Variants in NRXN3 observed in about 807,000 individuals in gnomAD.
The protein encoded by NRXN3 is neurexin 3, also known as neurexin III.
In NRXN3, 32 loss-of-function variants were observed where a neutral mutation model predicts 137.6. The observed-to-expected ratio is 0.23, with a 90% CI of 0.18 to 0.31. NRXN3 has a LOEUF of 0.31. NRXN3 is among the 10% of genes least tolerant of loss of function. The probability of loss-of-function intolerance (pLI) is 1.00; values close to 1 mark genes in which losing one functional copy is unlikely to be tolerated. For synonymous variants in NRXN3, 798 were observed against 784.5 expected (o/e 1.02, Z -0.29); for missense variants, 1,574 against 2,062.5 (o/e 0.76, Z 4.59).
chr14:79,010,038 A>C (rs1303229672), intron 15 of NRXN3, among the ~76,000 whole-genome samples: 3 of 152,232 alleles, frequency 2.0e-5, no homozygotes, highest in African/African-American at 4.8e-5. Context: ...GCTCTGATAC[A>C]TACATATCAT....
chr14:79,666,794 C>A (rs1315849964), intron 17 of NRXN3, among the ~76,000 whole-genome samples: 1 of 152,098 alleles, frequency 6.6e-6, no homozygotes, highest in Non-Finnish European at 1.5e-5. Context: ...TCAAAATCCT[C>A]ATTTAAAAGT....
chr14:78,843,994 G>A (rs1021537075), intron 10 of NRXN3, among the ~76,000 whole-genome samples: 1 of 152,120 alleles, frequency 6.6e-6, no homozygotes, highest in South Asian at 2.1e-4. Context: ...CACCAACCTG[G>A]TGGCTTACAA....
chr14:79,146,811 CA>C (rs780634112), intron 15 of NRXN3, among the ~76,000 whole-genome samples: 2 of 152,176 alleles, frequency 1.3e-5, no homozygotes, highest in Non-Finnish European at 2.9e-5. Flanking sequence ...AGGACATTTG[CA>C]GAAGGAAGAG....
At chr14:79,608,394 G>T (rs758287798) in intron 16 of NRXN3, among the ~76,000 whole-genome samples, 1 of 152,178 alleles carries the variant, frequency 6.6e-6, no homozygotes, top group African/African-American at 2.4e-5. Flanking sequence ...GGGAGAAAGG[G>T]TTAGGAAAGT....
chr14:79,481,156 A>G (rs1394517431), intron 16 of NRXN3, among the ~76,000 whole-genome samples: 1 of 152,154 alleles, frequency 6.6e-6, no homozygotes, highest in East Asian at 1.9e-4. Context: ...GGAGTCCTTA[A>G]TGGGCACAAG....
intron 4 of NRXN3, among the ~76,000 whole-genome samples, chr14:78,627,144 C>CTCTCTCTCTCTCTCTCT (rs3032372): frequency 1.0e-5 from 1 of 97,960 alleles, no homozygotes; most frequent in African/African-American, 4.4e-5. Flanking sequence ...CTCTCTCTCT[C>CTCTCTCTCTCTCTCTCT]ATTTTTATTA....
chr14:78,660,490 G>T (rs372167552), intron 6 of NRXN3, among the ~76,000 whole-genome samples: 3 of 152,108 alleles, frequency 2.0e-5, no homozygotes, highest in African/African-American at 7.2e-5. Context: ...AAACCAATTT[G>T]GATCCATAAC....
At chr14:78,553,716 A>G (rs958346970) in intron 4 of NRXN3, among the ~76,000 whole-genome samples, 6 of 152,196 alleles carry the variant, frequency 3.9e-5, no homozygotes, top group African/African-American at 1.4e-4. Context: ...TTGTTTGCAT[A>G]TGCTGTGTAT....
chr14:78,486,327 T>A (rs1206037322), intron 4 of NRXN3, among the ~76,000 whole-genome samples: 2 of 152,206 alleles, frequency 1.3e-5, no homozygotes, highest in Non-Finnish European at 2.9e-5. Context: ...CATAACCTTT[T>A]AAGGACAGTG....
chr14:78,600,384 G>C (rs991130679), intron 4 of NRXN3, among the ~76,000 whole-genome samples: 2 of 152,126 alleles, frequency 1.3e-5, no homozygotes, highest in African/African-American at 2.4e-5. Context: ...TCAAAAATGT[G>C]TGTCTCTTGT....
intron 16 of NRXN3, among the ~76,000 whole-genome samples, chr14:79,505,942 G>C (rs2096874105): frequency 6.6e-6 from 1 of 152,196 alleles, no homozygotes; most frequent in Admixed American, 6.5e-5. Context: ...GATCAAGACT[G>C]TATTTCTCAT....
In NRXN3 at chr14:78,709,642, A is replaced by T. The variant is rs757178232; in HGVS notation, c.1647A>T (p.Arg549=). 1.2e-6 allele frequency: 2 copies of T among 1,611,014 alleles called. No homozygotes were observed. Among genetic ancestry groups the T allele is most frequent in the Non-Finnish European group, 1.7e-6 (2 of 1,178,906 alleles). Residue 549 remains arginine, a synonymous_variant, in exon 7 of 21, where the codon CGA becomes CGT. Transcript: ENST00000335750. The stretch of plus-strand genomic sequence containing the variant: ...AATGGTACCATGTGGACATTCAGCG[A>T]GATGGCAGATCAGGTAGGAAGAGGC... ...DGEWYHVDIQ[R]DGRSGTISVN... is the part of the protein sequence containing the mutation.
chr14:79,482,687 G>GA (rs919413556), intron 16 of NRXN3, among the ~76,000 whole-genome samples: 23 of 149,642 alleles, frequency 1.5e-4, no homozygotes, highest in South Asian at 4.3e-4. Flanking sequence ...CTGGGGGGGA[G>GA]AAAAAAAAAC....
chr14:79,254,374 G>A (rs1214808442), intron 15 of NRXN3, among the ~76,000 whole-genome samples: 2 of 152,182 alleles, frequency 1.3e-5, no homozygotes, highest in Non-Finnish European at 2.9e-5. Context: ...GTCTCAAGCA[G>A]TGGGGAAGAT....
chr14:78,576,275 C>T (rs894366426), intron 4 of NRXN3, among the ~76,000 whole-genome samples: 4 of 152,166 alleles, frequency 2.6e-5, no homozygotes, highest in African/African-American at 9.7e-5. Context: ...GGCTTCTGAT[C>T]AGTATCAGTC....
chr14:78,378,484 C>CAAAAAA (rs3037810), intron 4 of NRXN3, among the ~76,000 whole-genome samples: 1 of 126,902 alleles, frequency 7.9e-6, no homozygotes, highest in African/African-American at 3.0e-5. Flanking sequence ...GATTCTGTCT[C>CAAAAAA]AAAAAAAAAA....
intron 15 of NRXN3, among the ~76,000 whole-genome samples, chr14:79,078,632 C>T (rs950643787): frequency 2.6e-5 from 4 of 152,074 alleles, no homozygotes; most frequent in Non-Finnish European, 4.4e-5. Flanking sequence ...AACAACTTGG[C>T]TCTGATTGTT....
At chr14:79,009,734 A>C (rs546460214) in intron 15 of NRXN3, among the ~76,000 whole-genome samples, 1 of 152,340 alleles carries the variant, frequency 6.6e-6, no homozygotes, top group Non-Finnish European at 1.5e-5. Context: ...TTAAAAAATA[A>C]GAATCCTTCA....
At chr14:78,653,776 C>G (rs1255960025) in intron 6 of NRXN3, among the ~76,000 whole-genome samples, 1 of 149,316 alleles carries the variant, frequency 6.7e-6, no homozygotes, top group East Asian at 2.0e-4. Context: ...CAGAAAGCTT[C>G]AAAAGTCTGT....
Sources: allele counts gnomAD v4.1 joint callset (sites outside exome capture counted in the v4.1 genomes callset), GRCh38; gene constraint gnomAD v4.1.1; transcripts MANE v1.5; gene names NCBI Gene and HGNC (gene_info 2026-07-23, HGNC 2026-07-21).